The following HEXD variants were observed in gnomAD, a reference collection of about 807,000 sequenced individuals.
HEXD encodes hexosaminidase D, also known as N-acetyl-beta-galactosaminidase.
In HEXD, 47 loss-of-function variants were observed where a neutral mutation model predicts 54.2. The observed-to-expected ratio is 0.87, with a 90% CI of 0.69 to 1.11. HEXD has a LOEUF of 1.11. Ranked by LOEUF, HEXD falls within the 50% of genes least tolerant of loss-of-function variation. The pLI is 0.00. For synonymous variants in HEXD, 293 were observed against 287.6 expected, an observed-to-expected ratio of 1.02 and a Z score of -0.19; for missense variants, 576 against 649.2, an observed-to-expected ratio of 0.89 and a Z score of 1.23.
At chr17:82,423,953 GCCCTGCTCCCCCTGC>G (rs1436386879) in intron 2 of HEXD, among the ~76,000 whole-genome samples, 1 of 151,840 alleles carries the variant, frequency 6.6e-6, no homozygotes, top group South Asian at 2.1e-4. Flanking sequence ...ACCCTTCAGA[GCCCTGCTCCCCCTGC>G]CCCGGCTCCT....
chr17:82,442,638 G>A lies in HEXD; in HGVS notation c.*254G>A, dbSNP rs1310415568. 1 of 1,512,760 alleles carries A rather than the reference G, an allele frequency of 6.6e-7. No homozygotes were observed. Among genetic ancestry groups the A allele is most frequent in the Non-Finnish European group, 9.0e-7 (1 of 1,117,056 alleles). The allele number at this position is 1,512,760 out of a possible 1,614,324, so 93.7% of individuals were successfully genotyped here. On this transcript the variant is annotated 3_prime_UTR_variant, in exon 13 of 13. Transcript: ENST00000327949. This position sits in a 1 kb window ranked among gnomAD's most constrained non-coding sequence, Gnocchi z 6.8. ...TCTTTGGAAATAAAGAGTGGAAGCT[G>A]CAGGTGACACGTGAAGGGTTATTTA...
At chr17:82,422,094 A>AGG (rs1407541748) in intron 2 of HEXD, among the ~76,000 whole-genome samples, 1 of 149,490 alleles carries the variant, frequency 6.7e-6, no homozygotes, top group Non-Finnish European at 1.5e-5. Flanking sequence ...TGAACCTGGG[A>AGG]GGTGGAGGTT....
chr17:82,428,817 G>A (rs1411971672), intron 4 of HEXD, among the ~76,000 whole-genome samples, 172 bp downstream of exon 4: 1 of 152,152 alleles, frequency 6.6e-6, no homozygotes, highest in East Asian at 1.9e-4. Flanking sequence ...TGCCTGACTC[G>A]GCCAGAGCTG....
At chr17:82,421,886 A>G (rs1023821176) in intron 2 of HEXD, among the ~76,000 whole-genome samples, 16 of 151,410 alleles carry the variant, frequency 1.1e-4, no homozygotes, top group African/African-American at 3.4e-4. Context: ...GATAGGTAAG[A>G]AAAAAGAAGG....
intron 5 of HEXD, 94 bp from the exon 6 acceptor site, chr17:82,435,595 C>A: frequency 7.8e-7 from 1 of 1,280,244 alleles, no homozygotes; most frequent in Non-Finnish European, 1.1e-6. Context: ...CCACAGGCAG[C>A]GGCCCCTCTC....
chr17:82,437,864 G>A lies in HEXD; in HGVS notation c.899+501G>A, dbSNP rs35016452. 5.1e-3 allele frequency among the ~76,000 whole-genome samples: 780 copies of A among 152,308 alleles called. 2 individuals are homozygous for A. Among genetic ancestry groups the A allele is most frequent in the Non-Finnish European group, 7.3e-3 (497 of 68,020 alleles). Reference sequence around the variant, plus strand: ...ATAGGCGTGCCCAGCTCTGTTTTCCGTTTTTCTCATATCAGGGTCTTGTCT... The same window carrying A: ...ATAGGCGTGCCCAGCTCTGTTTTCCATTTTTCTCATATCAGGGTCTTGTCT... On this transcript the variant is annotated intron_variant, in intron 8 of 12. Transcript: ENST00000327949.
At chr17:82,435,460 CTG>C (rs956130127) in intron 5 of HEXD, among the ~76,000 whole-genome samples, 7 of 152,190 alleles carry the variant, frequency 4.6e-5, no homozygotes, top group South Asian at 2.1e-4. Context: ...GCTTTGTTGG[CTG>C]TGAGAAGAGC....
intron 4 of HEXD, 26 bp from the exon 5 acceptor site, chr17:82,433,632 A>G (rs375311800): frequency 1.5e-5 from 23 of 1,526,060 alleles, no homozygotes; most frequent in African/African-American, 1.0e-4. Flanking sequence ...TCCGCCCCCA[A>G]CGCGAACTTC....
In HEXD at chr17:82,440,864, G is replaced by A. The variant is rs572397862; in HGVS notation, c.983-133G>A. 2.8e-4 allele frequency: 271 copies of A among 969,192 alleles called. 1 individual carries two copies. In the South Asian group the frequency reaches 3.6e-3, roughly 13 times the overall value. 60.0% of individuals were successfully genotyped at this position (969,192 alleles called of 1,614,324 possible). A position where few individuals can be genotyped will look rare whatever the true frequency, so the allele number is the denominator to read the frequency against. On this transcript the variant is annotated intron_variant, in intron 9 of 12. Coordinates refer to ENST00000327949, the MANE Select transcript of HEXD (RefSeq NM_001330542.2). ...AGGTCCCCTTGGGGCCGGCACACGC[G>A]GGGCTGGGCCTGGCCAGTGGCTCTC...
chr17:82,436,972 G>C (rs1269815235), intron 7 of HEXD, 196 bp from the exon 8 acceptor site: 1 of 647,176 alleles, frequency 1.5e-6, no homozygotes, highest in Non-Finnish European at 2.7e-6. Context: ...TGAACCAGGG[G>C]CCACGTACAC....
intron 3 of HEXD, among the ~76,000 whole-genome samples, chr17:82,428,342 G>A (rs911174829): frequency 6.6e-6 from 1 of 152,150 alleles, no homozygotes; most frequent in Non-Finnish European, 1.5e-5. Flanking sequence ...GTTGAAAAGC[G>A]AACCATTACT....
intron 4 of HEXD, among the ~76,000 whole-genome samples, chr17:82,433,091 A>AAAAATATATATAT (rs1555617647): frequency 7.6e-5 from 1 of 13,234 alleles, no homozygotes; most frequent in African/African-American, 6.0e-4. Flanking sequence ...AAAAAAAAAA[A>AAAAATATATATAT]ATATATATAT....
chr17:82,430,126 A>G (rs2053535488), intron 4 of HEXD, among the ~76,000 whole-genome samples: 1 of 151,868 alleles, frequency 6.6e-6, no homozygotes, highest in Non-Finnish European at 1.5e-5. Context: ...AACTTTCCTA[A>G]TGGGTCTCCC....
chr17:82,426,881 A>G (rs542954672), intron 3 of HEXD: 1 of 152,350 alleles, frequency 6.6e-6, no homozygotes, highest in African/African-American at 2.4e-5. Context: ...AACGCCTGTA[A>G]TCCCAGCACT....
rs1168451212 is a variant in HEXD at position 82,436,756 on chromosome 17, G to A, written c.703+18G>A. The A allele has an allele frequency of 1.2e-6, 2 of 1,607,332 alleles. No homozygotes were observed. Among genetic ancestry groups the A allele is most frequent in the Non-Finnish European group, 1.7e-6 (2 of 1,176,794 alleles). On this transcript the variant is annotated intron_variant, in intron 7 of 12. Coordinates refer to ENST00000327949, the MANE Select transcript of HEXD (RefSeq NM_001330542.2). ...CGGCAAGGGTCAGTGCCAAGTTGTGGGGGGTGTGTTGTCCTGGCCATGTGC... is the reference window on the plus strand; with the variant it reads ...CGGCAAGGGTCAGTGCCAAGTTGTGAGGGGTGTGTTGTCCTGGCCATGTGC...
intron 3 of HEXD, 114 bp downstream of exon 3, chr17:82,424,617 A>G: frequency 1.5e-6 from 1 of 676,344 alleles, no homozygotes; most frequent in South Asian, 1.6e-5. Flanking sequence ...CAGGAACTGA[A>G]CAGTGGTGGG....
At chr17:82,427,744 G>A (rs9890432) in intron 3 of HEXD, among the ~76,000 whole-genome samples, 72,648 of 152,144 alleles carry the variant, frequency 0.48, 18,975 homozygotes, top group East Asian at 0.9. Context: ...ATTAGCCTAA[G>A]ATGGTTCAAA....
rs7224178 is a variant in HEXD, at chr17:82,440,424, C to A, written c.983-573C>A. ...GGGCAGAAACGATAAAAACAGACAC[C>A]CCTGTACCCCACACTAAAGAGCTGT... On this transcript the variant is annotated intron_variant, in intron 9 of 12. Transcript: ENST00000327949. 7.7e-3 allele frequency: 5,835 copies of A among 753,528 alleles called. 31 individuals are homozygous for A. Among genetic ancestry groups the A allele is most frequent in the Non-Finnish European group, 9.6e-3 (5,220 of 543,928 alleles). The allele number at this position is 753,528 out of a possible 1,614,324, so 46.7% of individuals were successfully genotyped here.
At chr17:82,433,886 T>C (rs557194191) in intron 5 of HEXD, 64 bp downstream of exon 5, 3 of 1,432,876 alleles carry the variant, frequency 2.1e-6, no homozygotes, top group Admixed American at 2.6e-5. Context: ...TCCTTTTAAA[T>C]AGGAAAATCT....
Sources: allele counts gnomAD v4.1 joint callset (sites outside exome capture counted in the v4.1 genomes callset), GRCh38; gene constraint gnomAD v4.1.1; non-coding constraint Gnocchi (gnomAD v3.1); transcripts MANE v1.5; gene names NCBI Gene and HGNC (gene_info 2026-07-23, HGNC 2026-07-21).